EPM2A: variants seen among roughly 807,000 people sequenced by gnomAD.
EPM2A encodes the protein laforin.
Under a neutral mutation model 26.5 loss-of-function variants are expected in EPM2A, and 21 were observed. The observed-to-expected ratio is 0.79, with a 90% CI of 0.56 to 1.14. The LOEUF (loss-of-function observed/expected upper bound fraction) is 1.14. Ranked by LOEUF, EPM2A falls within the 50% of genes most tolerant of loss-of-function variation. EPM2A has a pLI of 0.00. For synonymous variants in EPM2A, 217 were observed against 177.6 expected (o/e 1.22, Z -1.76); for missense variants, 458 against 440.8 (o/e 1.04, Z -0.35).
intron 2 of EPM2A, among the ~76,000 whole-genome samples, chr6:145,683,793 C>T (rs1324365773): frequency 4.6e-5 from 7 of 152,076 alleles, no homozygotes; most frequent in Admixed American, 4.6e-4. Context: ...ATCTGCCCAC[C>T]TGAGCACAGC....
chr6:145,616,302 G>A (rs113949735), intron 2 of EPM2A, among the ~76,000 whole-genome samples: 10,229 of 152,318 alleles, frequency 0.067, 1,157 homozygotes, highest in African/African-American at 0.23. Context: ...CAGCTTCCAC[G>A]TGGTGTTGAG....
At chr6:145,532,906 T>A (rs1562372509) in intron 2 of EPM2A, among the ~76,000 whole-genome samples, 1 of 152,180 alleles carries the variant, frequency 6.6e-6, no homozygotes, top group Non-Finnish European at 1.5e-5. Context: ...TCCTTTAGAC[T>A]ACCTATCTAG....
intron 2 of EPM2A, among the ~76,000 whole-genome samples, chr6:145,668,072 A>C (rs1779362365): frequency 6.7e-6 from 1 of 148,472 alleles, no homozygotes; most frequent in Admixed American, 6.7e-5. Flanking sequence ...CTAGATGACG[A>C]GTTAGTGGGT....
chr6:145,437,092 C>T (rs1778998723), intron 4 of EPM2A, among the ~76,000 whole-genome samples: 1 of 152,184 alleles, frequency 6.6e-6, no homozygotes, highest in African/African-American at 2.4e-5. Context: ...GTCATCTCCA[C>T]GTGTTGAAGG....
At chr6:145,574,670 C>A (rs558426529) in intron 2 of EPM2A, among the ~76,000 whole-genome samples, 3 of 152,194 alleles carry the variant, frequency 2.0e-5, no homozygotes, top group African/African-American at 7.2e-5. Context: ...TGGATCCCTT[C>A]CTCTATATTA....
At position 145,543,438 on chromosome 6, in the gene EPM2A, C is replaced by G. The variant is rs75414952; in HGVS notation, c.341-40863G>C. 4.6e-3 allele frequency among the ~76,000 whole-genome samples: 703 copies of G among 152,112 alleles called. 25 individuals are homozygous for G. In the East Asian group the frequency reaches 0.084, roughly 18 times the overall value. ...TCTTGATGGAAGTCACCCAAAAAAC[C>G]TTCTCATTTTCCAGATGAGAATTCT... On this transcript the variant is annotated intron_variant, in intron 2 of 3. Coordinates refer to the EPM2A transcript ENST00000450221.
chr6:145,478,227 A>C (rs1214802441), intron 4 of EPM2A, among the ~76,000 whole-genome samples: 2 of 151,878 alleles, frequency 1.3e-5, no homozygotes, highest in East Asian at 3.8e-4. Context: ...AAAGAAGTGA[A>C]TGATCTCTAT....
chr6:145,636,355 G>A (rs887026680), intron 2 of EPM2A: 14 of 152,040 alleles, frequency 9.2e-5, no homozygotes, highest in African/African-American at 3.1e-4. Flanking sequence ...CGTGGTGGTG[G>A]ACACCTGTAA....
intron 2 of EPM2A, among the ~76,000 whole-genome samples, chr6:145,662,322 T>C (rs952901284): frequency 6.6e-6 from 1 of 152,234 alleles, no homozygotes; most frequent in Non-Finnish European, 1.5e-5. Flanking sequence ...CAAATGATCA[T>C]TTTTCTAATT....
chr6:145,703,693 C>T (rs1219745169), intron 1 of EPM2A, among the ~76,000 whole-genome samples: 1 of 152,182 alleles, frequency 6.6e-6, no homozygotes, highest in Non-Finnish European at 1.5e-5. Context: ...ACTACTCTAA[C>T]ACATTTATGC....
intron 2 of EPM2A, among the ~76,000 whole-genome samples, chr6:145,507,560 G>C (rs1197140611): frequency 1.3e-5 from 2 of 152,184 alleles, no homozygotes; most frequent in Non-Finnish European, 2.9e-5. Flanking sequence ...GGAAAAAACT[G>C]CATTGTCCCA....
chr6:145,490,756 T>TG, intron 4 of EPM2A: 1 of 561,296 alleles, frequency 1.8e-6, no homozygotes, highest in Admixed American at 2.1e-5. Context: ...ATGTGAAGGT[T>TG]GTCACATGTG....
intron 2 of EPM2A, among the ~76,000 whole-genome samples, chr6:145,550,676 C>T (rs1259345918): frequency 6.6e-6 from 1 of 152,020 alleles, no homozygotes; most frequent in Non-Finnish European, 1.5e-5. Flanking sequence ...ACCAACTCCT[C>T]CTCTTCAGCC....
intron 4 of EPM2A, among the ~76,000 whole-genome samples, chr6:145,484,987 T>C (rs439017): frequency 0.48 from 70,560 of 146,272 alleles, 16,942 homozygotes; most frequent in South Asian, 0.59. Context: ...TTAATGACAT[T>C]AAAATATATA....
At chr6:145,456,244 A>G (rs768141668) in intron 4 of EPM2A, among the ~76,000 whole-genome samples, 2 of 152,246 alleles carry the variant, frequency 1.3e-5, no homozygotes, top group Non-Finnish European at 2.9e-5. Context: ...AAAACAAAGT[A>G]TAATAGAAAT....
intron 2 of EPM2A, among the ~76,000 whole-genome samples, chr6:145,620,081 C>T (rs1775599597): frequency 6.6e-6 from 1 of 152,202 alleles, no homozygotes; most frequent in Non-Finnish European, 1.5e-5. Context: ...TGTTTATCCA[C>T]TATGGGTGTA....
intron 2 of EPM2A, among the ~76,000 whole-genome samples, chr6:145,511,219 A>C (rs1780050822): frequency 6.6e-6 from 1 of 152,162 alleles, no homozygotes; most frequent in Non-Finnish European, 1.5e-5. Flanking sequence ...TATTCCAAAA[A>C]ATTGAGGAAG....
chr6:145,483,259 TG>T (rs1779632726), intron 4 of EPM2A, among the ~76,000 whole-genome samples: 1 of 152,102 alleles, frequency 6.6e-6, no homozygotes, highest in African/African-American at 2.4e-5. Context: ...ATAAGCCAAG[TG>T]TCTAGCTAGT....
intron 4 of EPM2A, among the ~76,000 whole-genome samples, chr6:145,434,944 T>A (rs532879342): frequency 6.6e-6 from 1 of 152,032 alleles, no homozygotes; most frequent in Non-Finnish European, 1.5e-5. Context: ...TAAGTTCTTA[T>A]GAGATCTGGT....
Sources: allele counts gnomAD v4.1 joint callset (sites outside exome capture counted in the v4.1 genomes callset), GRCh38; gene constraint gnomAD v4.1.1; transcripts MANE v1.5; gene names NCBI Gene and HGNC (gene_info 2026-07-23, HGNC 2026-07-21).